TYW1B: variants seen among roughly 807,000 people sequenced by gnomAD.
TYW1B encodes the protein tRNA-yW synthesizing protein 1 homolog B.
TYW1B carries 73 observed loss-of-function variants against 86.9 expected under a neutral mutation model. The observed-to-expected ratio is 0.84, with a 90% CI of 0.70 to 1.02. The LOEUF is 1.02. Ranked by LOEUF, TYW1B falls within the 50% of genes least tolerant of loss-of-function variation. The pLI is 0.00. For synonymous variants in TYW1B, 248 were observed against 292.8 expected, an observed-to-expected ratio of 0.85 and a Z score of 1.56; for missense variants, 637 against 827.4, an observed-to-expected ratio of 0.77 and a Z score of 2.82.
chr7:72,820,111 C>T (rs1289964376), intron 2 of TYW1B, among the ~76,000 whole-genome samples: 1 of 152,090 alleles, frequency 6.6e-6, no homozygotes, highest in Non-Finnish European at 1.5e-5. Context: ...CCCATCTCTA[C>T]TAAAAATGCA....
chr7:72,646,252 G>C (rs1554442068), intron 11 of TYW1B, among the ~76,000 whole-genome samples: 1 of 151,940 alleles, frequency 6.6e-6, no homozygotes, highest in Non-Finnish European at 1.5e-5. Flanking sequence ...TTGTAGAGAT[G>C]GGGTGTCGCT....
At chr7:72,706,257 G>A (rs549979741) in intron 10 of TYW1B, among the ~76,000 whole-genome samples, 3 of 151,834 alleles carry the variant, frequency 2.0e-5, no homozygotes, top group African/African-American at 4.8e-5. Context: ...GGAGAAACCC[G>A]TCTCTACTAA....
rs1814276252 is a variant in TYW1B, at chr7:72,694,826, A to G, written c.1371-4T>C. 6.3e-7 allele frequency: 1 copy of G among 1,580,308 alleles called. No homozygotes were observed. The highest frequency in any genetic ancestry group is 2.2e-5 in the East Asian group (1 of 44,744). On this transcript the variant is annotated splice_polypyrimidine_tract_variant and splice_region_variant and intron_variant, in intron 10 of 13. Transcript: ENST00000620995. ...CTGAGTAACTGGCTCGAGGTTCCTT[A>G]GTAATTTTTTTTTTTAAAGGAAGAA...
At chr7:72,587,715 G>C (rs1381660705) in intron 13 of TYW1B, among the ~76,000 whole-genome samples, 30 of 152,182 alleles carry the variant, frequency 2.0e-4, no homozygotes, top group African/African-American at 6.8e-4. Context: ...TAATCGTTTG[G>C]CTAATTTCTT....
At chr7:72,789,130 C>CCGAGTATTTCCTT (rs1788177068) in intron 6 of TYW1B, among the ~76,000 whole-genome samples, 2 of 151,808 alleles carry the variant, frequency 1.3e-5, no homozygotes, top group African/African-American at 2.4e-5. Flanking sequence ...CAAGCCCGGC[C>CCGAGTATTTCCTT]TGGTGCAGAC....
At chr7:72,728,725 G>A in intron 9 of TYW1B, 97 bp downstream of exon 9, 2 of 1,247,026 alleles carry the variant, frequency 1.6e-6, no homozygotes, top group African/African-American at 1.5e-5. Flanking sequence ...AAATTTGCCA[G>A]TGGGGACAAA....
intron 7 of TYW1B, chr7:72,768,707 A>G: frequency 6.5e-6 from 1 of 153,484 alleles, no homozygotes; most frequent in Non-Finnish European, 1.4e-5. Context: ...GAATGGCATG[A>G]ACCCGGGAGG....
chr7:72,588,494 G>A (rs1333963093), intron 13 of TYW1B, among the ~76,000 whole-genome samples: 1 of 152,174 alleles, frequency 6.6e-6, no homozygotes. Flanking sequence ...AGATGGGAGG[G>A]TGTGGGGGTG....
intron 11 of TYW1B, among the ~76,000 whole-genome samples, chr7:72,630,357 T>G (rs2129568726): frequency 6.6e-6 from 1 of 152,084 alleles, no homozygotes; most frequent in East Asian, 1.9e-4. Context: ...ACCTGTGACT[T>G]GCCTATAACC....
At chr7:72,797,614 G>C (rs1788326400) in intron 6 of TYW1B, among the ~76,000 whole-genome samples, 1 of 152,172 alleles carries the variant, frequency 6.6e-6, no homozygotes, top group Non-Finnish European at 1.5e-5. Context: ...CTACTCAGGA[G>C]GCCAAGATGG....
chr7:72,628,860 C>T lies in TYW1B; in HGVS notation c.1617+27G>A, dbSNP rs372544339. On this transcript the variant is annotated intron_variant, in intron 12 of 13. Coordinates refer to ENST00000620995, the MANE Select transcript of TYW1B (RefSeq NM_001145440.3). ...ACCACGATTCTTTGTCACTCCACCACGGCCACCAGAGTCAGCAGGGGCTTA... is the reference window on the plus strand; with the variant it reads ...ACCACGATTCTTTGTCACTCCACCATGGCCACCAGAGTCAGCAGGGGCTTA... 54 of 1,562,596 alleles carry T rather than the reference C, an allele frequency of 3.5e-5. 1 individual carries two copies. In the South Asian group the frequency reaches 3.5e-4, roughly 10 times the overall value.
intron 8 of TYW1B, among the ~76,000 whole-genome samples, chr7:72,735,663 A>G (rs1418536497): frequency 6.6e-6 from 1 of 151,926 alleles, no homozygotes; most frequent in East Asian, 1.9e-4. Flanking sequence ...TGAGGTCAGG[A>G]GTTCAAGATC....
intron 10 of TYW1B, among the ~76,000 whole-genome samples, chr7:72,707,858 G>T (rs576335173): frequency 5.3e-5 from 8 of 152,308 alleles, no homozygotes; most frequent in African/African-American, 1.7e-4. Flanking sequence ...TGGGTGATGG[G>T]GACTTCCCCC....
At chr7:72,613,263 T>A (rs1161018833) in intron 13 of TYW1B, among the ~76,000 whole-genome samples, 1 of 152,164 alleles carries the variant, frequency 6.6e-6, no homozygotes, top group East Asian at 1.9e-4. Context: ...AAACCTGTTT[T>A]AAGGACAGTC....
chr7:72,772,518 T>C (rs1787885717), intron 7 of TYW1B, among the ~76,000 whole-genome samples: 1 of 152,112 alleles, frequency 6.6e-6, no homozygotes, highest in Non-Finnish European at 1.5e-5. Context: ...TTCTAGGAAC[T>C]ACATCTTAAA....
chr7:72,619,498 G>A (rs1338019506), intron 12 of TYW1B, among the ~76,000 whole-genome samples: 2 of 151,456 alleles, frequency 1.3e-5, no homozygotes, highest in Admixed American at 6.6e-5. Flanking sequence ...AAAATTAGCC[G>A]GGCACGGTGG....
chr7:72,683,233 G>T (rs1478492968), intron 11 of TYW1B, among the ~76,000 whole-genome samples: 29 of 152,158 alleles, frequency 1.9e-4, no homozygotes, highest in Non-Finnish European at 1.0e-4. Context: ...AAACTGAGAA[G>T]TATTTGTGAA....
intron 10 of TYW1B, among the ~76,000 whole-genome samples, chr7:72,710,638 C>A (rs769863368): frequency 1.3e-5 from 2 of 152,096 alleles, no homozygotes; most frequent in Non-Finnish European, 2.9e-5. Context: ...CCAGCCTAAC[C>A]AACATGGTGA....
chr7:72,671,126 G>A (rs1813591097), intron 11 of TYW1B, among the ~76,000 whole-genome samples: 2 of 151,986 alleles, frequency 1.3e-5, no homozygotes. Context: ...TAAAATAAAT[G>A]AATAAACACT....
Sources: gnomAD v4.1 joint callset for allele counts (sites outside exome capture counted in the v4.1 genomes callset) on GRCh38, gnomAD v4.1.1 for gene constraint, MANE v1.5 for transcripts, NCBI Gene and HGNC (gene_info 2026-07-23, HGNC 2026-07-21) for gene names.